The following LRRC63 variants were observed in gnomAD, a reference collection of about 807,000 sequenced individuals.
LRRC63 encodes leucine rich repeat containing 63.
LRRC63 carries 40 observed loss-of-function variants against 49.5 expected under a neutral mutation model. The ratio of observed to expected loss-of-function variants is 0.81; its 90% CI spans 0.63 to 1.05. LRRC63 has a LOEUF of 1.05. Ranked by LOEUF, LRRC63 falls within the 50% of genes least tolerant of loss-of-function variation. The probability of loss-of-function intolerance (pLI) is 0.00; values close to 1 mark genes in which losing one functional copy is unlikely to be tolerated. For missense variants in LRRC63, 636 were observed against 663.1 expected (o/e 0.96, Z 0.45); for synonymous variants, 191 against 221.1 (o/e 0.86, Z 1.21).
intron 7 of LRRC63, among the ~76,000 whole-genome samples, chr13:46,251,075 A>T (rs1749656): frequency 2.6e-5 from 4 of 151,534 alleles, no homozygotes; most frequent in Admixed American, 6.6e-5. Flanking sequence ...ACCTTAACCA[A>T]ATGTCAAAAC....
intron 5 of LRRC63, 134 bp downstream of exon 5, chr13:46,234,483 A>T: frequency 1.2e-6 from 1 of 817,370 alleles, no homozygotes; most frequent in South Asian, 2.4e-5. Flanking sequence ...TTAGGAACAC[A>T]TTCAAATTGC....
chr13:46,227,438 G>A, intron 2 of LRRC63, 74 bp from the exon 3 acceptor site: 1 of 1,045,428 alleles, frequency 9.6e-7, no homozygotes, highest in Middle Eastern at 3.2e-4. Context: ...GTAAAGAAAA[G>A]TGAATGCTAA....
At chr13:46,223,881 C>A (rs1471080341) in intron 2 of LRRC63, among the ~76,000 whole-genome samples, 8 of 151,902 alleles carry the variant, frequency 5.3e-5, no homozygotes, top group African/African-American at 1.5e-4. Flanking sequence ...ACAACAACAA[C>A]AAAAAACAAA....
Position 46,243,372 on chromosome 13 carries a change from G to A in LRRC63, c.991-3155G>A, listed in dbSNP as rs12867023. Among the ~76,000 whole-genome samples, 1,230 of 151,944 alleles carry A rather than the reference G, an allele frequency of 8.1e-3. 7 individuals are homozygous for A. Among genetic ancestry groups the A allele is most frequent in the Non-Finnish European group, 0.012 (847 of 67,952 alleles). ...ACTTAAACACAAAGGTAGTAAGAGA[G>A]GTAAAAAGGAAGAAAGTATTCACAC... On this transcript the variant is annotated intron_variant, in intron 5 of 9. Transcript: ENST00000595396.
At chr13:46,256,357 G>A (rs543124252) in intron 7 of LRRC63, among the ~76,000 whole-genome samples, 1 of 152,306 alleles carries the variant, frequency 6.6e-6, no homozygotes, top group East Asian at 1.9e-4. Flanking sequence ...TCAGAGGGTG[G>A]TGCCAGGAAC....
exon 9 of LRRC63, chr13:46,266,825 A>T: frequency 1.9e-6 from 3 of 1,550,194 alleles, no homozygotes; most frequent in Non-Finnish European, 2.6e-6. Flanking sequence ...CAGTTTGAGA[A>T]TAATTTCACT....
chr13:46,240,847 A>T (rs2047041449), intron 5 of LRRC63, among the ~76,000 whole-genome samples: 1 of 152,240 alleles, frequency 6.6e-6, no homozygotes, highest in African/African-American at 2.4e-5. Flanking sequence ...ACACAAGCAA[A>T]TGGAAAAATG....
intron 6 of LRRC63, among the ~76,000 whole-genome samples, chr13:46,247,367 A>G (rs1363062131): frequency 6.6e-6 from 1 of 152,134 alleles, no homozygotes; most frequent in Non-Finnish European, 1.5e-5. Context: ...AGAAATTGAC[A>G]AGAATTCCCA....
intron 7 of LRRC63, among the ~76,000 whole-genome samples, chr13:46,260,624 C>T (rs1022864806): frequency 6.6e-6 from 1 of 152,116 alleles, no homozygotes; most frequent in African/African-American, 2.4e-5. Context: ...GCATCTCACC[C>T]AGTCTGAAGG....
intron 5 of LRRC63, among the ~76,000 whole-genome samples, chr13:46,243,008 A>G (rs909647870): frequency 3.3e-5 from 5 of 152,224 alleles, no homozygotes; most frequent in African/African-American, 1.2e-4. Flanking sequence ...TGAAAACTAG[A>G]CAAATTCAGA....
intron 2 of LRRC63, among the ~76,000 whole-genome samples, chr13:46,221,054 A>G (rs1162255606): frequency 2.6e-5 from 4 of 152,122 alleles, no homozygotes; most frequent in African/African-American, 4.8e-5. Flanking sequence ...CCTAGTTTCT[A>G]TACTAAATTG....
chr13:46,258,557 C>T (rs1359888986), intron 7 of LRRC63, among the ~76,000 whole-genome samples: 1 of 151,264 alleles, frequency 6.6e-6, no homozygotes, highest in African/African-American at 2.4e-5. Context: ...CGCCTGTAAT[C>T]CCAGCACTTT....
intron 5 of LRRC63, among the ~76,000 whole-genome samples, chr13:46,237,654 C>A (rs2046940102): frequency 1.3e-5 from 2 of 151,710 alleles, no homozygotes; most frequent in Admixed American, 6.6e-5. Context: ...TTAATGGAAA[C>A]AAAGATAGGT....
At position 46,276,832 on chromosome 13, in the gene LRRC63, A is replaced by G. The variant is rs767050140; in HGVS notation, c.*29A>G. 1,202 of 141,638 alleles carry G rather than the reference A, an allele frequency of 8.5e-3. 17 individuals are homozygous for G. The highest frequency in any genetic ancestry group is 0.034 in the African/African-American group (1,104 of 32,450). 8.8% of individuals were successfully genotyped at this position (141,638 alleles called of 1,614,324 possible). A position where few individuals can be genotyped will look rare whatever the true frequency, so the allele number is the denominator to read the frequency against. ...AATGATTTATCGTATGTGTGTGTATATATATATATATATATATATTTATAT... is the reference window on the plus strand; with the variant it reads ...AATGATTTATCGTATGTGTGTGTATGTATATATATATATATATATTTATAT... On this transcript the variant is annotated 3_prime_UTR_variant, in exon 10 of 10. Coordinates refer to ENST00000595396, the Ensembl canonical transcript of LRRC63.
intron 5 of LRRC63, among the ~76,000 whole-genome samples, chr13:46,240,130 T>C (rs867429314): frequency 1.5e-3 from 191 of 125,862 alleles, no homozygotes; most frequent in African/African-American, 7.4e-3. Context: ...CTTTTTCTTT[T>C]TTTTTTTTTT....
intron 5 of LRRC63, among the ~76,000 whole-genome samples, chr13:46,236,288 T>G (rs2046902355): frequency 6.6e-6 from 1 of 152,062 alleles, no homozygotes; most frequent in African/African-American, 2.4e-5. Context: ...ATATTCCAAT[T>G]TGATTAAAAG....
chr13:46,261,503 T>C (rs1353327453), intron 7 of LRRC63, among the ~76,000 whole-genome samples: 2 of 152,204 alleles, frequency 1.3e-5, no homozygotes, highest in Non-Finnish European at 2.9e-5. Context: ...AGTTTCTCCC[T>C]CAGAGCCTAT....
exon 10 of LRRC63, chr13:46,277,019 T>G (rs2047852364): frequency 6.6e-6 from 1 of 152,446 alleles, no homozygotes; most frequent in Non-Finnish European, 1.5e-5. Flanking sequence ...TTCTAGCTCC[T>G]TATGAAAGTT....
At chr13:46,269,539 T>G (rs896288632) in intron 9 of LRRC63, among the ~76,000 whole-genome samples, 1 of 152,094 alleles carries the variant, frequency 6.6e-6, no homozygotes, top group Non-Finnish European at 1.5e-5. Context: ...CATTTCCATT[T>G]TGATTAAAGA....
Sources: allele counts gnomAD v4.1 joint callset (sites outside exome capture counted in the v4.1 genomes callset), GRCh38; gene constraint gnomAD v4.1.1; transcripts MANE v1.5; gene names NCBI Gene and HGNC (gene_info 2026-07-23, HGNC 2026-07-21).